The following BCKDHB variants were observed in gnomAD, a reference collection of about 807,000 sequenced individuals.
BCKDHB encodes the protein branched chain keto acid dehydrogenase E1 subunit beta.
BCKDHB carries 41 observed loss-of-function variants against 48.5 expected under a neutral mutation model. That is an observed-to-expected ratio of 0.85 (90% confidence interval 0.66 to 1.10). The LOEUF is 1.10. Among genes scored for constraint, BCKDHB ranks in the 50% least tolerant of loss-of-function variants. The pLI is 0.00. For missense variants in BCKDHB, 496 were observed against 494.2 expected, an observed-to-expected ratio of 1.00 and a Z score of -0.03; for synonymous variants, 201 against 174.8, an observed-to-expected ratio of 1.15 and a Z score of -1.18.
chr6:80,235,040 G>A (rs530971003), intron 8 of BCKDHB, among the ~76,000 whole-genome samples: 1 of 152,100 alleles, frequency 6.6e-6, no homozygotes, highest in South Asian at 2.1e-4. Flanking sequence ...ATGAAGAGAG[G>A]TTGGTTAATG....
chr6:80,317,356 G>A (rs533546909), intron 9 of BCKDHB, among the ~76,000 whole-genome samples: 14 of 152,272 alleles, frequency 9.2e-5, no homozygotes, highest in Admixed American at 3.3e-4. Flanking sequence ...CAACAGAGCC[G>A]CATTCCTTTC....
At chr6:80,217,522 T>C (rs1775227935) in intron 8 of BCKDHB, among the ~76,000 whole-genome samples, 1 of 152,226 alleles carries the variant, frequency 6.6e-6, no homozygotes, top group Non-Finnish European at 1.5e-5. Context: ...TTTTCTTTTT[T>C]GAATGTGGCA....
At position 80,171,315 on chromosome 6, in the gene BCKDHB, G is replaced by T. The variant is rs1248040495; in HGVS notation, c.667G>T (p.Gly223Ter). Residue 223 changes from glycine (G) to a stop codon, truncating the protein, a stop_gained, in exon 6 of 10, where the codon GGA becomes TGA. Transcript: ENST00000320393. LOFTEE classifies it high-confidence loss of function. The stretch of plus-strand genomic sequence containing the variant: ...ACCCAGAAGCCCTTTCCAGGCCAAA[G>T]GACTTCTTTTGTCATGCATAGAGGA... ...VIPRSPFQAKGLLLSCIEDKN... is the reference protein window; with the variant it reads ...VIPRSPFQAK 6.2e-7 allele frequency: 1 copy of T among 1,608,876 alleles called. No individual in the cohort carries two copies. The highest frequency in any genetic ancestry group is 1.7e-5 in the Admixed American group (1 of 59,836).
the BCKDHB span, among the ~76,000 whole-genome samples, chr6:80,379,564 C>T: frequency 3.3e-5 from 5 of 152,140 alleles, no homozygotes; most frequent in Middle Eastern, 3.4e-3. Context: ...TCTCATCACT[C>T]TTATTCAACA....
At chr6:80,359,369 C>T in the BCKDHB span, among the ~76,000 whole-genome samples, 3 of 152,164 alleles carry the variant, frequency 2.0e-5, no homozygotes, top group Non-Finnish European at 4.4e-5. Context: ...GTCAACTCTC[C>T]CCATTGGCTG....
chr6:80,446,368 C>T, the BCKDHB span, among the ~76,000 whole-genome samples: 1 of 152,164 alleles, frequency 6.6e-6, no homozygotes, highest in East Asian at 1.9e-4. Flanking sequence ...TTGGACTGCT[C>T]CAGCACATCC....
chr6:80,135,793 A>T (rs1052154081), intron 3 of BCKDHB: 1 of 152,172 alleles, frequency 6.6e-6, no homozygotes, highest in African/African-American at 2.4e-5. Context: ...CATCTTACAA[A>T]ACTGAAACAC....
At chr6:80,133,123 A>T (rs990510847) in intron 3 of BCKDHB, among the ~76,000 whole-genome samples, 6 of 152,210 alleles carry the variant, frequency 3.9e-5, no homozygotes, top group South Asian at 4.1e-4. Context: ...GGAAAGGATC[A>T]AGTCAGCAGG....
intron 8 of BCKDHB, among the ~76,000 whole-genome samples, chr6:80,245,054 CAG>C (rs1450291148): frequency 6.6e-6 from 1 of 150,892 alleles, no homozygotes. Flanking sequence ...ATCTATAAAA[CAG>C]AGATATAATA....
In BCKDHB at chr6:80,106,874, G is replaced by T. The variant is rs774916970; in HGVS notation, c.181G>T (p.Glu61Ter). ...VAHFTFQPDP[E>*]PREYGQTQKM... is the part of the protein sequence containing the mutation. ...TCATTTTACTTTCCAGCCAGATCCGGAGCCCCGGGAGTACGGTGAGCCCTG... is the reference window on the plus strand; with the variant it reads ...TCATTTTACTTTCCAGCCAGATCCGTAGCCCCGGGAGTACGGTGAGCCCTG... Residue 61 changes from glutamate (E) to a stop codon, truncating the protein, a stop_gained, in exon 1 of 10, where the codon GAG becomes TAG. Transcript: ENST00000320393. LOFTEE classifies it high-confidence loss of function. The T allele has an allele frequency of 4.4e-6, 7 of 1,607,542 alleles. No individual in the cohort carries two copies. Among genetic ancestry groups the T allele is most frequent in the Admixed American group, 1.7e-5 (1 of 59,500 alleles).
At chr6:80,360,571 T>C in the BCKDHB span, among the ~76,000 whole-genome samples, 1 of 152,242 alleles carries the variant, frequency 6.6e-6, no homozygotes, top group Non-Finnish European at 1.5e-5. Flanking sequence ...CACAGATTGC[T>C]ACTTAGTGAT....
chr6:80,359,679 C>A, the BCKDHB span, among the ~76,000 whole-genome samples: 1 of 152,200 alleles, frequency 6.6e-6, no homozygotes, highest in African/African-American at 2.4e-5. Flanking sequence ...ACTGCAACCT[C>A]TGCCTCCCTG....
At chr6:80,429,297 A>C in the BCKDHB span, among the ~76,000 whole-genome samples, 1 of 152,294 alleles carries the variant, frequency 6.6e-6, no homozygotes, top group South Asian at 2.1e-4. Flanking sequence ...GTTTGAGTTC[A>C]GGTAGCATGA....
At chr6:80,433,073 GCTCTCC>G in the BCKDHB span, among the ~76,000 whole-genome samples, 1 of 152,138 alleles carries the variant, frequency 6.6e-6, no homozygotes, top group Admixed American at 6.5e-5. Flanking sequence ...GCCAGCCAGA[GCTCTCC>G]TGTATGAGGT....
At chr6:80,392,151 T>C in the BCKDHB span, among the ~76,000 whole-genome samples, 1 of 151,886 alleles carries the variant, frequency 6.6e-6, no homozygotes, top group African/African-American at 2.4e-5. Context: ...TGCCACCACA[T>C]CCAGCTAATT....
intron 9 of BCKDHB, among the ~76,000 whole-genome samples, chr6:80,274,315 A>G (rs967315342): frequency 1.3e-5 from 2 of 152,038 alleles, no homozygotes; most frequent in Non-Finnish European, 2.9e-5. Flanking sequence ...ATATGTAGTC[A>G]CTGATAGTAA....
intron 8 of BCKDHB, among the ~76,000 whole-genome samples, chr6:80,241,064 G>T (rs963187629): frequency 2.6e-5 from 4 of 152,076 alleles, no homozygotes; most frequent in African/African-American, 9.7e-5. Flanking sequence ...TTGTGCATGT[G>T]TCACGTTGTT....
At chr6:80,404,807 G>A in the BCKDHB span, among the ~76,000 whole-genome samples, 2 of 151,766 alleles carry the variant, frequency 1.3e-5, no homozygotes, top group Non-Finnish European at 2.9e-5. Flanking sequence ...TTCACTGTTT[G>A]TTTAGTAGAG....
chr6:80,224,096 G>A (rs954787957), intron 8 of BCKDHB, among the ~76,000 whole-genome samples: 2 of 152,120 alleles, frequency 1.3e-5, no homozygotes, highest in African/African-American at 4.8e-5. Flanking sequence ...ACAATTATGA[G>A]TTAGAGCCAG....
Sources: gnomAD v4.1 joint callset for allele counts (sites outside exome capture counted in the v4.1 genomes callset) on GRCh38, gnomAD v4.1.1 for gene constraint, MANE v1.5 for transcripts, NCBI Gene and HGNC (gene_info 2026-07-23, HGNC 2026-07-21) for gene names.